NECTIN1: variants seen among roughly 807,000 people sequenced by gnomAD.
The protein encoded by NECTIN1 is nectin cell adhesion molecule 1.
In NECTIN1, 23 loss-of-function variants were observed where a neutral mutation model predicts 48.0. The observed-to-expected ratio is 0.48, with a 90% CI of 0.34 to 0.68. The LOEUF (loss-of-function observed/expected upper bound fraction) is 0.68. Ranked by LOEUF, NECTIN1 falls within the 30% of genes least tolerant of loss-of-function variation. NECTIN1 has a pLI of 0.01. For synonymous variants in NECTIN1, 270 were observed against 288.9 expected (o/e 0.93, Z 0.66); for missense variants, 591 against 709.9 (o/e 0.83, Z 1.90).
intron 1 of NECTIN1, among the ~76,000 whole-genome samples, chr11:119,718,154 G>A (rs564554088): frequency 1.4e-4 from 21 of 152,308 alleles, no homozygotes; most frequent in African/African-American, 5.1e-4. Flanking sequence ...GCTGGGAGGA[G>A]CATCACCCTG....
intron 1 of NECTIN1, among the ~76,000 whole-genome samples, chr11:119,695,044 A>G (rs1446347323): frequency 1.3e-5 from 2 of 152,014 alleles, no homozygotes; most frequent in African/African-American, 4.8e-5. Flanking sequence ...TGAAAATATC[A>G]CACCTTTACT....
Position 119,672,877 on chromosome 11 carries a change from G to A in NECTIN1, c.1003+2282C>T, listed in dbSNP as rs866856627. On this transcript the variant is annotated intron_variant, in intron 5 of 5. Transcript: ENST00000264025. This position sits in a 1 kb window ranked among gnomAD's most constrained non-coding sequence, Gnocchi z 4.3. ...AGAAGCCATGCCAAAGCGAGTCTGC[G>A]CAGGTGTGCAGTGGCCCAGCACACA... is the stretch of plus-strand genomic sequence containing the variant. Among the ~76,000 whole-genome samples the A allele has an allele frequency of 2.6e-5, 4 of 152,284 alleles. No individual in the cohort carries two copies. In the South Asian group the frequency reaches 6.2e-4, roughly 24 times the overall value.
chr11:119,698,765 C>T (rs1011917676), intron 1 of NECTIN1, among the ~76,000 whole-genome samples: 3 of 152,164 alleles, frequency 2.0e-5, no homozygotes, highest in Admixed American at 2.0e-4. Flanking sequence ...TAGCCAAGTG[C>T]CTGACACAGA....
rs923420584 is a variant in NECTIN1 at position 119,664,439 on chromosome 11, C to CAAGACGA, written c.*301_*307dup. 6.8e-6 allele frequency: 8 copies of CAAGACGA among 1,169,606 alleles called. No individual in the cohort carries two copies. The South Asian group carries it at 2.2e-4, about 32-fold the overall frequency. 72.5% of individuals were successfully genotyped at this position (1,169,606 alleles called of 1,614,324 possible). On this transcript the variant is annotated 3_prime_UTR_variant, in exon 6 of 6. Transcript: ENST00000264025. Reference sequence around the variant, plus strand: ...AACCCTGGAGGGATGCCCAGGTACACAAGACGAGAACAGGGCTCCCTACAC... The same window carrying CAAGACGA: ...AACCCTGGAGGGATGCCCAGGTACACAAGACGAAAGACGAGAACAGGGCTCCCTACAC...
At chr11:119,654,073 A>G (rs1244386622) in intron 5 of NECTIN1, 2 of 152,152 alleles carry the variant, frequency 1.3e-5, no homozygotes, top group African/African-American at 4.8e-5. Context: ...AAGCATCCAA[A>G]AGGAATGCCA....
chr11:119,669,355 G>A (rs1019940225), intron 5 of NECTIN1, among the ~76,000 whole-genome samples: 2 of 150,664 alleles, frequency 1.3e-5, no homozygotes, highest in African/African-American at 4.9e-5. Flanking sequence ...AGGTTGCAGT[G>A]AGCCAAGTTT....
intron 1 of NECTIN1, among the ~76,000 whole-genome samples, chr11:119,707,010 G>A (rs1218851614): frequency 6.6e-6 from 1 of 152,224 alleles, no homozygotes; most frequent in East Asian, 1.9e-4. Context: ...GGGTGAGGAA[G>A]GAGAGGGGTT....
rs1445590572 is a variant in NECTIN1 at position 119,675,357 on chromosome 11, C to T, written c.852-47G>A. 7 of 1,613,006 alleles carry T rather than the reference C, an allele frequency of 4.3e-6. No homozygotes were observed. In the South Asian group the frequency reaches 7.7e-5, roughly 18 times the overall value. Reference sequence around the variant, plus strand: ...GCGTAGGGTTATGACTCTCCAGCCTCAAGAAGCTGTTCCTGGGTCACCCAC... The same window carrying T: ...GCGTAGGGTTATGACTCTCCAGCCTTAAGAAGCTGTTCCTGGGTCACCCAC... On this transcript the variant is annotated intron_variant, in intron 4 of 5. Coordinates refer to ENST00000264025, the MANE Select transcript of NECTIN1 (RefSeq NM_002855.5).
chr11:119,728,519 C>G lies in NECTIN1; in HGVS notation c.35G>C (p.Arg12Pro). ...CAAGCCGAGAGCGAGTCCCCACCAG[C>G]GTCCAGCGGCGCCCGCAAGCCCCAT... ...ARMGLAGAAG[R>P]WWGLALGLTA... The change falls in exon 1 of 6, where the codon CGC becomes CCC. Residue 12 changes from arginine to proline, a missense_variant. Coordinates refer to ENST00000264025, the MANE Select transcript of NECTIN1 (RefSeq NM_002855.5). 2 of 1,594,556 alleles carry G rather than the reference C, an allele frequency of 1.3e-6. No individual in the cohort carries two copies. The highest frequency in any genetic ancestry group is 1.7e-6 in the Non-Finnish European group (2 of 1,171,226).
In NECTIN1 at chr11:119,677,834, C is replaced by A. The variant is rs766922259; in HGVS notation, c.454G>T (p.Gly152Cys). ...VMAKPTNWIE[G>C]TQAVLRAKKG... is the part of the protein sequence containing the mutation. ...TTGGCTCGAAGCACTGCCTGGGTAC[C>A]CTCTATCCAATTGGTGGGTTTGGCT... Residue 152 changes from glycine (G) to cysteine (C), a missense_variant, in exon 3 of 6, where the codon GGT (glycine) becomes TGT (cysteine). By Grantham distance (159) the Gly-to-Cys change is radical. Coordinates refer to ENST00000264025, the MANE Select transcript of NECTIN1 (RefSeq NM_002855.5). The surrounding 1 kb of genome is among the most constrained non-coding windows in gnomAD (Gnocchi z 5.4). 6.2e-7 allele frequency: 1 copy of A among 1,614,106 alleles called. No individual in the cohort carries two copies. Among genetic ancestry groups the A allele is most frequent in the South Asian group, 1.1e-5 (1 of 91,058 alleles).
chr11:119,693,450 C>T (rs1472698412), intron 1 of NECTIN1, among the ~76,000 whole-genome samples: 2 of 152,238 alleles, frequency 1.3e-5, no homozygotes, highest in African/African-American at 2.4e-5. Context: ...GTGGGGAGTC[C>T]CCTCAGCCTC....
In NECTIN1 at chr11:119,640,397, T is replaced by G. The variant is rs189192226; in HGVS notation, c.1004-385A>C. ...AACTTCTTTCCCCTCCCTGTGCAAT[T>G]AAACAAGCAAATGAACTAATGGGTG... On this transcript the variant is annotated intron_variant, in intron 5 of 7. Transcript: ENST00000341398. The G allele has an allele frequency of 3.0e-5, 8 of 265,818 alleles. No homozygotes were observed. The East Asian group carries it at 7.7e-4, about 26-fold the overall frequency. 16.5% of individuals were successfully genotyped at this position (265,818 alleles called of 1,614,324 possible). A position where few individuals can be genotyped will look rare whatever the true frequency, so the allele number is the denominator to read the frequency against.
chr11:119,662,358 G>A lies in NECTIN1; in HGVS notation c.*2389C>T. ...CTGCCTCATGCCCACCCTCAGCCCA[G>A]GCTGGCAGCTGCTCGGTGGGTATGC... On this transcript the variant is annotated 3_prime_UTR_variant, in exon 6 of 6. Transcript: ENST00000264025. This position sits in a 1 kb window ranked among gnomAD's most constrained non-coding sequence, Gnocchi z 5.3. 1.0e-6 allele frequency: 1 copy of A among 985,860 alleles called. No homozygotes were observed. The highest frequency in any genetic ancestry group is 1.2e-6 in the Non-Finnish European group (1 of 829,928). 61.1% of individuals were successfully genotyped at this position (985,860 alleles called of 1,614,324 possible).
rs1000701718 is a variant in NECTIN1 at position 119,684,266 on chromosome 11, T to C, written c.80-5501A>G. Reference sequence around the variant, plus strand: ...CTGGCATAAACCACTTCTTTTGTCCTGGCTGTGCCAGCCCACCCCAGCCCC... The same window carrying C: ...CTGGCATAAACCACTTCTTTTGTCCCGGCTGTGCCAGCCCACCCCAGCCCC... On this transcript the variant is annotated intron_variant, in intron 1 of 5. Coordinates refer to ENST00000264025, the MANE Select transcript of NECTIN1 (RefSeq NM_002855.5). This position sits in a 1 kb window ranked among gnomAD's most constrained non-coding sequence, Gnocchi z 5.2. 2.0e-5 allele frequency among the ~76,000 whole-genome samples: 3 copies of C among 152,250 alleles called. No individual in the cohort carries two copies. The highest frequency in any genetic ancestry group is 2.0e-4 in the Admixed American group (3 of 15,292).
chr11:119,679,732 C>G (rs1274549074), intron 1 of NECTIN1, among the ~76,000 whole-genome samples: 2 of 152,098 alleles, frequency 1.3e-5, no homozygotes, highest in African/African-American at 4.8e-5. Flanking sequence ...TATCAAGGAG[C>G]AATTGAGTCC....
At chr11:119,639,561 G>C (rs529498104) in intron 6 of NECTIN1, 1 of 478,436 alleles carries the variant, frequency 2.1e-6, no homozygotes, top group South Asian at 2.1e-5. Flanking sequence ...TAACCTCTCT[G>C]TGCCTCAGTT....
intron 1 of NECTIN1, among the ~76,000 whole-genome samples, chr11:119,708,249 G>A (rs1025421684): frequency 7.9e-5 from 12 of 152,174 alleles, no homozygotes; most frequent in Non-Finnish European, 1.5e-4. Flanking sequence ...AAGGGAACAG[G>A]AGGGGAAGAG....
intron 1 of NECTIN1, among the ~76,000 whole-genome samples, chr11:119,693,038 G>A (rs1006208146): frequency 1.1e-4 from 16 of 152,268 alleles, no homozygotes; most frequent in African/African-American, 3.4e-4. Context: ...GCGGGAGGCT[G>A]AGCTGACACC....
At chr11:119,647,662 A>T (rs1164185488) in intron 5 of NECTIN1, among the ~76,000 whole-genome samples, 1 of 151,932 alleles carries the variant, frequency 6.6e-6, no homozygotes, top group African/African-American at 2.4e-5. Flanking sequence ...TGGCGGGGGG[A>T]AGCACCAAAT....
Sources: gnomAD v4.1 joint callset for allele counts (sites outside exome capture counted in the v4.1 genomes callset) on GRCh38, gnomAD v4.1.1 for gene constraint, Gnocchi (gnomAD v3.1) non-coding constraint, MANE v1.5 for transcripts, NCBI Gene and HGNC (gene_info 2026-07-23, HGNC 2026-07-21) for gene names.